POC1A: variants seen among roughly 807,000 people sequenced by gnomAD.
The protein encoded by POC1A is POC1 centriolar protein A.
A neutral mutation model predicts 47.8 loss-of-function variants in POC1A; 34 were observed. That is an observed-to-expected ratio of 0.71 (90% CI 0.54 to 0.95). The LOEUF is 0.95. Ranked by LOEUF, POC1A falls within the 40% of genes least tolerant of loss-of-function variation. POC1A has a pLI of 0.00. For missense variants in POC1A, 466 were observed against 528.3 expected (o/e 0.88, Z 1.16); for synonymous variants, 177 against 207.6 (o/e 0.85, Z 1.27).
chr3:52,134,235 AAG>A lies in POC1A; in HGVS notation c.813+3932_813+3933del, dbSNP rs1351627538. On this transcript the variant is annotated intron_variant, in intron 7 of 10. Transcript: ENST00000296484. ...GCCAGGGAATGAAGGGGTTAAAAAAAAGAGAATATAAATGTATTTATTACCAC... is the reference window on the plus strand; with the variant it reads ...GCCAGGGAATGAAGGGGTTAAAAAAAAGAATATAAATGTATTTATTACCAC... Among the ~76,000 whole-genome samples, 3 of 152,358 alleles carry A rather than the reference AAG, an allele frequency of 2.0e-5. No homozygotes were observed. The East Asian group carries it at 5.8e-4, about 29-fold the overall frequency.
intron 7 of POC1A, among the ~76,000 whole-genome samples, chr3:52,134,002 C>A (rs571695395): frequency 1.3e-5 from 2 of 152,242 alleles, no homozygotes; most frequent in Non-Finnish European, 2.9e-5. Flanking sequence ...AGGTCCCCTG[C>A]GTCCAAACCA....
At chr3:52,103,248 C>T (rs114975867) in intron 9 of POC1A, among the ~76,000 whole-genome samples, 1 of 152,200 alleles carries the variant, frequency 6.6e-6, no homozygotes, top group Admixed American at 6.5e-5. Context: ...ACTGTAAGGC[C>T]GGGTATAATG....
chr3:52,092,246 C>T (rs767727935), intron 10 of POC1A, among the ~76,000 whole-genome samples: 2 of 152,190 alleles, frequency 1.3e-5, no homozygotes, highest in Non-Finnish European at 2.9e-5. Context: ...CTAAGGGACT[C>T]GGCCTGCTGG....
At chr3:52,152,551 CAG>C (rs1427466052) in intron 1 of POC1A, among the ~76,000 whole-genome samples, 1 of 151,982 alleles carries the variant, frequency 6.6e-6, no homozygotes, top group Non-Finnish European at 1.5e-5. Context: ...GCCTGGACGA[CAG>C]AGTGAGACTC....
chr3:52,150,963 A>G, intron 2 of POC1A, 53 bp downstream of exon 2: 2 of 1,568,992 alleles, frequency 1.3e-6, no homozygotes, highest in Non-Finnish European at 1.8e-6. Flanking sequence ...CGAGGTAAAA[A>G]CTTGGCCTGT....
At chr3:52,098,196 C>T (rs1577831097) in intron 9 of POC1A, among the ~76,000 whole-genome samples, 1 of 152,336 alleles carries the variant, frequency 6.6e-6, no homozygotes, top group East Asian at 1.9e-4. Flanking sequence ...ATGTTCAGTG[C>T]TGTGCCCACT....
chr3:52,149,543 T>C (rs536719503), intron 3 of POC1A, among the ~76,000 whole-genome samples, 154 bp from the exon 4 acceptor site: 1 of 152,324 alleles, frequency 6.6e-6, no homozygotes, highest in Admixed American at 6.5e-5. Flanking sequence ...GAGCCTCTCC[T>C]ATATGAACAG....
At position 52,143,018 on chromosome 3, in the gene POC1A, C is replaced by T. The variant is rs376136527; in HGVS notation, c.679+2828G>A. On this transcript the variant is annotated intron_variant, in intron 6 of 10. Coordinates refer to ENST00000296484, the MANE Select transcript of POC1A (RefSeq NM_015426.5). ...CAGCCTAGAGGCTATGGGATGACTC[C>T]GCTATCCTGTGAACACCCACCACTG... is the stretch of plus-strand genomic sequence containing the variant. Among the ~76,000 whole-genome samples the T allele has an allele frequency of 7.9e-5, 12 of 152,228 alleles. No homozygotes were observed. The East Asian group carries it at 1.7e-3, about 22-fold the overall frequency.
At chr3:52,078,384 A>G (rs1406999744) in intron 10 of POC1A, among the ~76,000 whole-genome samples, 1 of 151,956 alleles carries the variant, frequency 6.6e-6, no homozygotes, top group African/African-American at 2.4e-5. Flanking sequence ...AAAAAAAAAA[A>G]TCCTACTTTC....
chr3:52,124,532 G>A (rs187317756), intron 8 of POC1A, among the ~76,000 whole-genome samples: 64 of 152,340 alleles, frequency 4.2e-4, no homozygotes, highest in Middle Eastern at 6.8e-3. Flanking sequence ...AGGGGGCTGG[G>A]AGCAAAGAGC....
intron 9 of POC1A, among the ~76,000 whole-genome samples, chr3:52,107,813 C>T (rs1227983802): frequency 6.6e-6 from 1 of 152,204 alleles, no homozygotes; most frequent in Non-Finnish European, 1.5e-5. Flanking sequence ...TAATGTCTTA[C>T]ACAACCATAG....
chr3:52,077,377 C>T (rs548820810), intron 10 of POC1A, among the ~76,000 whole-genome samples: 2 of 152,366 alleles, frequency 1.3e-5, no homozygotes, highest in East Asian at 3.9e-4. Flanking sequence ...CCCTTTAAGG[C>T]TGCTATAAAT....
At chr3:52,125,091 C>T in intron 8 of POC1A, 22 bp downstream of exon 8, 3 of 1,562,028 alleles carry the variant, frequency 1.9e-6, no homozygotes, top group Non-Finnish European at 2.6e-6. Flanking sequence ...TTCACCATTC[C>T]ATTCGACTAC....
chr3:52,138,738 G>A (rs1698076720), intron 6 of POC1A, among the ~76,000 whole-genome samples: 2 of 152,214 alleles, frequency 1.3e-5, no homozygotes. Context: ...TGCCACACAG[G>A]AAGGACGTGT....
chr3:52,149,440 A>G lies in POC1A; in HGVS notation c.276-51T>C, dbSNP rs747342702. On this transcript the variant is annotated intron_variant, in intron 3 of 10. Coordinates refer to ENST00000296484, the MANE Select transcript of POC1A (RefSeq NM_015426.5). ...AGGAAACCCATAACAGTGACATGAG[A>G]GCCCACAAGCACATCAAAGCTCTCC... 15 of 1,554,658 alleles carry G rather than the reference A, an allele frequency of 9.6e-6. No homozygotes were observed. The South Asian group carries it at 1.7e-4, about 17-fold the overall frequency.
At position 52,154,404 on chromosome 3, in the gene POC1A, G is replaced by A; in HGVS notation, c.-32C>T. On this transcript the variant is annotated 5_prime_UTR_variant, in exon 1 of 11. Transcript: ENST00000296484. ...GCTGGCGGCGCCGAAGGCAGCTGCG[G>A]TGGCCGTTGCGGCCCGTTCAGTTTC... The A allele has an allele frequency of 6.9e-7, 1 of 1,446,690 alleles. No homozygotes were observed. 89.6% of individuals were successfully genotyped at this position (1,446,690 alleles called of 1,614,324 possible).
rs184443391 is a variant in POC1A, at chr3:52,093,532, G to A, written c.1125+3037C>T. The stretch of plus-strand genomic sequence containing the variant: ...ACCCAACACATCAGCAGTGCACGGC[G>A]TTGTCAGGTACTATTCAAGGAGCTT... On this transcript the variant is annotated intron_variant, in intron 10 of 10. Transcript: ENST00000296484. Among the ~76,000 whole-genome samples, 350 of 152,316 alleles carry A rather than the reference G, an allele frequency of 2.3e-3. 2 individuals carry two copies. The highest frequency in any genetic ancestry group is 8.0e-3 in the African/African-American group (333 of 41,566).
At chr3:52,083,643 C>T (rs1011034086) in intron 10 of POC1A, among the ~76,000 whole-genome samples, 2 of 152,174 alleles carry the variant, frequency 1.3e-5, no homozygotes, top group African/African-American at 4.8e-5. Context: ...CCTCTTCATT[C>T]CCTTTCCACT....
chr3:52,146,081 C>T, intron 5 of POC1A, 120 bp from the exon 6 acceptor site: 1 of 628,650 alleles, frequency 1.6e-6, no homozygotes, highest in Non-Finnish European at 2.9e-6. Context: ...TTGACCCAGA[C>T]ACCTCCTTTC....
Sources: allele counts gnomAD v4.1 joint callset (sites outside exome capture counted in the v4.1 genomes callset), GRCh38; gene constraint gnomAD v4.1.1; transcripts MANE v1.5; gene names NCBI Gene and HGNC (gene_info 2026-07-23, HGNC 2026-07-21).